FUT8: variants seen among roughly 807,000 people sequenced by gnomAD.
The protein encoded by FUT8 is fucosyltransferase 8.
Under a neutral mutation model 71.3 loss-of-function variants are expected in FUT8, and 29 were observed. That is an observed-to-expected ratio of 0.41 (90% CI 0.30 to 0.55). The LOEUF (loss-of-function observed/expected upper bound fraction) is 0.55, where lower values mean the gene tolerates loss of function less well. FUT8 is among the 20% of genes least tolerant of loss of function. The pLI, the probability that FUT8 is intolerant of heterozygous loss-of-function variation, is 0.34. For synonymous variants in FUT8, 254 were observed against 239.3 expected, an observed-to-expected ratio of 1.06 and a Z score of -0.57; for missense variants, 544 against 702.1, an observed-to-expected ratio of 0.77 and a Z score of 2.55.
intron 1 of FUT8, among the ~76,000 whole-genome samples, chr14:65,420,865 G>T (rs1473566651): frequency 6.6e-6 from 1 of 152,076 alleles, no homozygotes; most frequent in Non-Finnish European, 1.5e-5. Context: ...TATATACTGT[G>T]TTCTCAAAGT....
At chr14:65,628,060 A>C (rs1889991476) in intron 5 of FUT8, among the ~76,000 whole-genome samples, 1 of 152,190 alleles carries the variant, frequency 6.6e-6, no homozygotes, top group Admixed American at 6.5e-5. Context: ...AACCTTATGA[A>C]GATGGTGACA....
At position 65,629,615 on chromosome 14, in the gene FUT8, G is replaced by A. The variant is rs372172427; in HGVS notation, c.597+9G>A. On this transcript the variant is annotated intron_variant, in intron 6 of 10. Coordinates refer to ENST00000673929, the MANE Select transcript of FUT8 (RefSeq NM_001371533.1). ...GAATAACATATCTTCAGGTAAGAAG[G>A]TTGGGTTAAGAATAAATTTGAGTGA... 58 of 1,563,814 alleles carry A rather than the reference G, an allele frequency of 3.7e-5. No homozygotes were observed. Among genetic ancestry groups the A allele is most frequent in the African/African-American group, 5.4e-5 (4 of 73,844 alleles).
the FUT8 span, among the ~76,000 whole-genome samples, chr14:65,372,897 A>T: frequency 6.6e-6 from 1 of 152,020 alleles, no homozygotes. Context: ...TTCCTCACAT[A>T]CCTGGTGTGT....
At chr14:65,513,301 G>A (rs1347680253) in intron 2 of FUT8, among the ~76,000 whole-genome samples, 2 of 152,182 alleles carry the variant, frequency 1.3e-5, no homozygotes, top group Non-Finnish European at 2.9e-5. Flanking sequence ...TTGATATACT[G>A]TGCATTAGTT....
the FUT8 span, among the ~76,000 whole-genome samples, chr14:65,373,634 G>T: frequency 1.3e-5 from 2 of 152,138 alleles, no homozygotes; most frequent in Non-Finnish European, 2.9e-5. Flanking sequence ...GCGTGCAGCG[G>T]CAAAATAATG....
At chr14:65,726,068 A>G (rs1895671338) in intron 9 of FUT8, among the ~76,000 whole-genome samples, 1 of 152,238 alleles carries the variant, frequency 6.6e-6, no homozygotes, top group Admixed American at 6.5e-5. Context: ...CAAATAATTC[A>G]TCAGCCAAGT....
At chr14:65,711,483 TTCTC>T (rs935764578) in intron 7 of FUT8, among the ~76,000 whole-genome samples, 1 of 152,180 alleles carries the variant, frequency 6.6e-6, no homozygotes, top group African/African-American at 2.4e-5. Flanking sequence ...TTTCCTTCCT[TTCTC>T]TCTTTTTTAT....
At chr14:65,510,642 G>A (rs956563004) in intron 2 of FUT8, among the ~76,000 whole-genome samples, 1 of 152,110 alleles carries the variant, frequency 6.6e-6, no homozygotes, top group Non-Finnish European at 1.5e-5. Flanking sequence ...ATTTCTTCAT[G>A]TTTCAATCTT....
intron 6 of FUT8, among the ~76,000 whole-genome samples, chr14:65,655,556 CAAAG>C (rs1299700035): frequency 6.7e-6 from 1 of 149,564 alleles, no homozygotes; most frequent in African/African-American, 2.5e-5. Context: ...CTAGCAGAGA[CAAAG>C]GAAGATATAA....
At chr14:65,501,938 T>C (rs1024759180) in intron 2 of FUT8, among the ~76,000 whole-genome samples, 1 of 151,614 alleles carries the variant, frequency 6.6e-6, no homozygotes, top group African/African-American at 2.4e-5. Flanking sequence ...TGAGACAGTG[T>C]CTTGCTCTGA....
Position 65,611,281 on chromosome 14 carries a change from ACACACACACACACACACACAC to A in FUT8, c.204-4695_204-4675del, listed in dbSNP as rs1566851486. Among the ~76,000 whole-genome samples, 39 of 47,206 alleles carry A rather than the reference ACACACACACACACACACACAC, an allele frequency of 8.3e-4. 1 individual carries two copies. Among genetic ancestry groups the A allele is most frequent in the African/African-American group, 3.0e-3 (28 of 9,328 alleles). 31.0% of individuals were successfully genotyped at this position (47,206 alleles called of 152,430 possible). A position where few individuals can be genotyped will look rare whatever the true frequency, so the allele number is the denominator to read the frequency against. On this transcript the variant is annotated intron_variant, in intron 3 of 10. Coordinates refer to ENST00000673929, the MANE Select transcript of FUT8 (RefSeq NM_001371533.1). ...CACACACACACACACACACACACAC[ACACACACACACACACACACAC>A]CCCCCAAGTAATAGCCTTGATTTTG...
At chr14:65,631,664 A>C (rs1359267368) in intron 6 of FUT8, among the ~76,000 whole-genome samples, 2 of 151,436 alleles carry the variant, frequency 1.3e-5, no homozygotes, top group African/African-American at 2.4e-5. Context: ...ATTTTCAAGG[A>C]GATAGGGACA....
the FUT8 span, among the ~76,000 whole-genome samples, chr14:65,391,057 A>G: frequency 6.6e-6 from 1 of 152,092 alleles, no homozygotes; most frequent in African/African-American, 2.4e-5. Context: ...AATAATTATC[A>G]TGCTAGTGAT....
Position 65,669,449 on chromosome 14 carries a change from C to A in FUT8, c.804C>A (p.Asp268Glu). 6.2e-7 allele frequency: 1 copy of A among 1,613,346 alleles called. No homozygotes were observed. The highest frequency in any genetic ancestry group is 8.5e-7 in the Non-Finnish European group (1 of 1,179,476). Residue 268 changes from aspartate to glutamate, a missense_variant, in exon 7 of 11, where the codon GAC (aspartate) becomes GAA (glutamate). Transcript: ENST00000673929. The surrounding 1 kb of genome is among the most constrained non-coding windows in gnomAD (Gnocchi z 4.5). ...VFRPVSETCT[D>E]RSGISTGHWS... is the part of the protein sequence containing the mutation. The stretch of plus-strand genomic sequence containing the variant: ...GGCCTGTAAGTGAGACATGCACAGA[C>A]AGATCTGGCATCTCCACTGGACACT...
At chr14:65,431,431 T>G (rs1376300972) in intron 1 of FUT8, among the ~76,000 whole-genome samples, 2 of 151,352 alleles carry the variant, frequency 1.3e-5, no homozygotes, top group East Asian at 1.9e-4. Flanking sequence ...TGCCTTAGCC[T>G]CTGGAGTAGC....
chr14:65,456,344 TTTAAATC>T (rs1488867745), intron 2 of FUT8, among the ~76,000 whole-genome samples: 3 of 152,198 alleles, frequency 2.0e-5, no homozygotes, highest in African/African-American at 7.2e-5. Flanking sequence ...AGATGTAGTT[TTTAAATC>T]CTGGCTTTCA....
chr14:65,719,197 C>G (rs535407533), intron 7 of FUT8, among the ~76,000 whole-genome samples: 2 of 152,182 alleles, frequency 1.3e-5, no homozygotes, highest in East Asian at 3.9e-4. Context: ...TTCAAATAGC[C>G]TGTCTTTAAG....
chr14:65,711,544 A>T (rs1278788769), intron 7 of FUT8, among the ~76,000 whole-genome samples: 1 of 152,032 alleles, frequency 6.6e-6, no homozygotes, highest in Non-Finnish European at 1.5e-5. Context: ...TTTTTCTTAC[A>T]TGCATGTACT....
chr14:65,592,704 C>T (rs1254764835), intron 3 of FUT8, among the ~76,000 whole-genome samples: 2 of 152,098 alleles, frequency 1.3e-5, no homozygotes, highest in African/African-American at 2.4e-5. Flanking sequence ...CTCCTTTTCC[C>T]CTTTAAATAA....
Sources: gnomAD v4.1 joint callset for allele counts (sites outside exome capture counted in the v4.1 genomes callset) on GRCh38, gnomAD v4.1.1 for gene constraint, Gnocchi (gnomAD v3.1) non-coding constraint, MANE v1.5 for transcripts, NCBI Gene and HGNC (gene_info 2026-07-23, HGNC 2026-07-21) for gene names.